Variants in ADAMTS6 observed in about 807,000 individuals in gnomAD.
The protein encoded by ADAMTS6 is ADAM metallopeptidase with thrombospondin type 1 motif 6, also known as A disintegrin and metalloproteinase with thrombospondin motifs 6.
ADAMTS6 carries 23 observed loss-of-function variants against 144.3 expected under a neutral mutation model. That is an observed-to-expected ratio of 0.16 (90% CI 0.11 to 0.23). The LOEUF (loss-of-function observed/expected upper bound fraction) is 0.23. Among genes scored for constraint, ADAMTS6 ranks in the 10% least tolerant of loss-of-function variants. ADAMTS6 has a pLI of 1.00. For synonymous variants in ADAMTS6, 444 were observed against 457.5 expected, an observed-to-expected ratio of 0.97 and a Z score of 0.38; for missense variants, 999 against 1,379.6, an observed-to-expected ratio of 0.72 and a Z score of 4.37.
intron 7 of ADAMTS6, among the ~76,000 whole-genome samples, chr5:65,361,618 G>A (rs1394946700): frequency 1.3e-5 from 2 of 152,144 alleles, no homozygotes; most frequent in African/African-American, 4.8e-5. Flanking sequence ...TAAATCAGTT[G>A]GGCTAGAAAT....
At chr5:65,282,274 T>C (rs1763043048) in intron 11 of ADAMTS6, among the ~76,000 whole-genome samples, 1 of 152,030 alleles carries the variant, frequency 6.6e-6, no homozygotes, top group Non-Finnish European at 1.5e-5. Flanking sequence ...AGGTCATAGA[T>C]GGAGTAGAAG....
At chr5:65,343,299 C>T (rs1013433821) in intron 7 of ADAMTS6, among the ~76,000 whole-genome samples, 6 of 152,064 alleles carry the variant, frequency 3.9e-5, no homozygotes, top group East Asian at 3.9e-4. Flanking sequence ...AAATACATTA[C>T]GAAGCTGCAG....
At chr5:65,287,718 C>T (rs1175661259) in intron 11 of ADAMTS6, among the ~76,000 whole-genome samples, 1 of 151,996 alleles carries the variant, frequency 6.6e-6, no homozygotes, top group African/African-American at 2.4e-5. Flanking sequence ...TCAGTAGAGA[C>T]AGGGTTTCTC....
At chr5:65,158,551 T>A (rs1255107712) in intron 24 of ADAMTS6, among the ~76,000 whole-genome samples, 1 of 151,258 alleles carries the variant, frequency 6.6e-6, no homozygotes, top group Non-Finnish European at 1.5e-5. Context: ...GAAAGATGAA[T>A]AAAATGGCAT....
intron 20 of ADAMTS6, among the ~76,000 whole-genome samples, chr5:65,213,762 G>GATTTTTAT (rs1282479568): frequency 2.0e-5 from 3 of 152,128 alleles, no homozygotes; most frequent in African/African-American, 7.2e-5. Context: ...TACAAGACAG[G>GATTTTTAT]ATGAAGTCTA....
chr5:65,420,148 C>T (rs190270813), intron 7 of ADAMTS6, among the ~76,000 whole-genome samples: 39 of 152,188 alleles, frequency 2.6e-4, no homozygotes, highest in Non-Finnish European at 4.4e-5. Context: ...GCCCCTTATA[C>T]GTAATAAAAC....
intron 15 of ADAMTS6, among the ~76,000 whole-genome samples, chr5:65,240,647 C>A (rs1253685515): frequency 6.6e-6 from 1 of 152,072 alleles, no homozygotes; most frequent in Non-Finnish European, 1.5e-5. Flanking sequence ...CATGAGGATA[C>A]AATGAGAAAA....
At chr5:65,313,018 GC>G (rs1406827138) in intron 9 of ADAMTS6, among the ~76,000 whole-genome samples, 2 of 151,994 alleles carry the variant, frequency 1.3e-5, no homozygotes, top group Non-Finnish European at 2.9e-5. Context: ...AATGGTGTCT[GC>G]CTACAAATTA....
intron 3 of ADAMTS6, among the ~76,000 whole-genome samples, chr5:65,461,708 A>C (rs1759654058): frequency 6.6e-6 from 1 of 152,198 alleles, no homozygotes; most frequent in Middle Eastern, 3.2e-3. Context: ...ATTGCCCCAG[A>C]CAACAAAGGG....
chr5:65,424,285 A>T (rs1224143458), intron 7 of ADAMTS6, among the ~76,000 whole-genome samples: 7 of 152,218 alleles, frequency 4.6e-5, no homozygotes, highest in Non-Finnish European at 1.0e-4. Context: ...CAAAAGATCT[A>T]CTACAGAACT....
At chr5:65,243,987 G>A (rs1759426360) in intron 14 of ADAMTS6, among the ~76,000 whole-genome samples, 1 of 152,004 alleles carries the variant, frequency 6.6e-6, no homozygotes, top group Non-Finnish European at 1.5e-5. Flanking sequence ...ACCATCTCAA[G>A]CAATATATAT....
intron 9 of ADAMTS6, among the ~76,000 whole-genome samples, chr5:65,314,660 A>G (rs1463429543): frequency 1.3e-5 from 2 of 152,168 alleles, no homozygotes; most frequent in Non-Finnish European, 2.9e-5. Flanking sequence ...CAGAGAAAAA[A>G]TACACCTTAC....
chr5:65,207,957 T>G (rs1294764294), intron 20 of ADAMTS6, among the ~76,000 whole-genome samples: 1 of 152,262 alleles, frequency 6.6e-6, no homozygotes, highest in Non-Finnish European at 1.5e-5. Context: ...TGTTTATAAA[T>G]GATCCACCAA....
intron 20 of ADAMTS6, chr5:65,210,799 A>G: frequency 3.5e-6 from 2 of 567,718 alleles, no homozygotes; most frequent in South Asian, 1.9e-5. Flanking sequence ...CTCTCAACAC[A>G]TAAAGAACAG....
intron 15 of ADAMTS6, among the ~76,000 whole-genome samples, chr5:65,237,347 C>T (rs1460075577): frequency 7.0e-6 from 1 of 143,592 alleles, no homozygotes; most frequent in Non-Finnish European, 1.5e-5. Context: ...ATGATTGGGC[C>T]ACTGCAGTGC....
intron 7 of ADAMTS6, among the ~76,000 whole-genome samples, chr5:65,359,764 A>G (rs149333582): frequency 1.8e-3 from 268 of 152,278 alleles, no homozygotes; most frequent in African/African-American, 6.0e-3. Context: ...AGCCAGGCAC[A>G]GAGAGACAAA....
At chr5:65,289,098 T>C (rs565890835) in intron 11 of ADAMTS6, among the ~76,000 whole-genome samples, 2 of 152,322 alleles carry the variant, frequency 1.3e-5, no homozygotes, top group East Asian at 3.9e-4. Flanking sequence ...GAAACCATTA[T>C]TTTGCTACAA....
At chr5:65,360,235 A>G (rs1561461858) in intron 7 of ADAMTS6, among the ~76,000 whole-genome samples, 3 of 152,150 alleles carry the variant, frequency 2.0e-5, no homozygotes, top group Non-Finnish European at 2.9e-5. Flanking sequence ...GGAGGAAGAG[A>G]GAGAAGTAGA....
intron 9 of ADAMTS6, among the ~76,000 whole-genome samples, chr5:65,301,450 T>A (rs931198356): frequency 9.2e-5 from 14 of 152,190 alleles, no homozygotes; most frequent in African/African-American, 3.4e-4. Context: ...AATAGGTAAG[T>A]ACAAGATAAT....
Sources: gnomAD v4.1 joint callset for allele counts (sites outside exome capture counted in the v4.1 genomes callset) on GRCh38, gnomAD v4.1.1 for gene constraint, MANE v1.5 for transcripts, NCBI Gene and HGNC (gene_info 2026-07-23, HGNC 2026-07-21) for gene names.